Variants in DPP6 observed in about 807,000 individuals in gnomAD.
DPP6 encodes the protein A-type potassium channel modulatory protein DPP6.
Under a neutral mutation model 122.6 loss-of-function variants are expected in DPP6, and 69 were observed. That is an observed-to-expected ratio of 0.56 (90% CI 0.46 to 0.69). DPP6 has a LOEUF of 0.69. Ranked by LOEUF, DPP6 falls within the 30% of genes least tolerant of loss-of-function variation. DPP6 has a pLI of 0.00. For missense variants in DPP6, 928 were observed against 1,116.9 expected (o/e 0.83, Z 2.41); for synonymous variants, 418 against 433.1 (o/e 0.97, Z 0.43).
the DPP6 span, among the ~76,000 whole-genome samples, chr7:153,748,137 C>A: frequency 2.0e-5 from 3 of 152,230 alleles, no homozygotes; most frequent in Non-Finnish European, 4.4e-5. Flanking sequence ...ATTGACAGAG[C>A]GCTCGCATCC....
At chr7:154,313,685 G>GTGTGTGTATGTA in intron 1 of DPP6, among the ~76,000 whole-genome samples, 1 of 20,474 alleles carries the variant, frequency 4.9e-5, no homozygotes, top group East Asian at 3.3e-3. Context: ...TTAAGATATG[G>GTGTGTGTATGTA]TATATATATA....
chr7:153,824,058 G>A, the DPP6 span, among the ~76,000 whole-genome samples: 1 of 152,142 alleles, frequency 6.6e-6, no homozygotes, highest in Admixed American at 6.5e-5. Context: ...TCTCTGGGTG[G>A]TCCTCCCTTT....
At chr7:154,478,267 A>T (rs1822928569) in intron 3 of DPP6, among the ~76,000 whole-genome samples, 1 of 152,092 alleles carries the variant, frequency 6.6e-6, no homozygotes, top group Admixed American at 6.5e-5. Context: ...TAGAACATTA[A>T]TTCATTCAGT....
upstream of DPP6, among the ~76,000 whole-genome samples, chr7:153,883,428 G>A (rs2128989736): frequency 6.6e-6 from 1 of 151,976 alleles, no homozygotes; most frequent in East Asian, 1.9e-4. Context: ...TGTTGCCCAG[G>A]CCGGAGTGCA....
chr7:154,546,160 G>A (rs1298988628), intron 4 of DPP6, among the ~76,000 whole-genome samples: 1 of 150,554 alleles, frequency 6.6e-6, no homozygotes, highest in Non-Finnish European at 1.5e-5. Context: ...GCTATGAAGG[G>A]TATGTAGCGA....
intron 1 of DPP6, among the ~76,000 whole-genome samples, chr7:154,382,056 AC>A (rs1586114193): frequency 8.6e-6 from 1 of 116,414 alleles, no homozygotes; most frequent in South Asian, 3.1e-4. Context: ...TCTTTCAGAA[AC>A]CCCCCTTTTT....
At chr7:154,853,911 T>TG in intron 17 of DPP6, 84 bp downstream of exon 17, 11 of 1,567,234 alleles carry the variant, frequency 7.0e-6, no homozygotes, top group Non-Finnish European at 9.6e-6. Context: ...CTGGCCCACA[T>TG]TCTCCTACTC....
At chr7:154,196,728 T>C (rs964494898) in intron 1 of DPP6, among the ~76,000 whole-genome samples, 4 of 152,116 alleles carry the variant, frequency 2.6e-5, no homozygotes, top group African/African-American at 9.7e-5. Flanking sequence ...GATGTCATCA[T>C]CCCTCAGCCC....
At chr7:154,705,078 A>T (rs1478396131) in intron 7 of DPP6, among the ~76,000 whole-genome samples, 1 of 152,210 alleles carries the variant, frequency 6.6e-6, no homozygotes, top group Non-Finnish European at 1.5e-5. Flanking sequence ...CAGGGCAAAG[A>T]CCATCATTAT....
At chr7:154,046,551 C>T (rs1033421344) in intron 1 of DPP6, among the ~76,000 whole-genome samples, 3 of 152,252 alleles carry the variant, frequency 2.0e-5, no homozygotes, top group South Asian at 2.1e-4. Context: ...TCACATGCTC[C>T]GCTATATTAT....
At chr7:154,831,335 G>A (rs1374889246) in intron 16 of DPP6, among the ~76,000 whole-genome samples, 1 of 152,212 alleles carries the variant, frequency 6.6e-6, no homozygotes. Flanking sequence ...TGCTGTGGTA[G>A]AGACCCTCCC....
the DPP6 span, among the ~76,000 whole-genome samples, chr7:153,765,815 C>T: frequency 1.3e-5 from 2 of 152,290 alleles, no homozygotes; most frequent in Admixed American, 6.5e-5. Context: ...TGCTTGTGTA[C>T]TCATGCTTAT....
intron 5 of DPP6, among the ~76,000 whole-genome samples, chr7:154,621,156 C>T (rs185681475): frequency 6.6e-6 from 1 of 152,176 alleles, no homozygotes; most frequent in East Asian, 1.9e-4. Flanking sequence ...CTGTTTCCTC[C>T]CTATCTGAGA....
At chr7:154,225,841 A>G (rs1188019583) in intron 1 of DPP6, among the ~76,000 whole-genome samples, 1 of 152,182 alleles carries the variant, frequency 6.6e-6, no homozygotes, top group African/African-American at 2.4e-5. Context: ...ATCTACCAAT[A>G]CACTAGTGCC....
chr7:153,759,378 GC>G, the DPP6 span, among the ~76,000 whole-genome samples: 1 of 151,796 alleles, frequency 6.6e-6, no homozygotes, highest in African/African-American at 2.4e-5. Flanking sequence ...GAGTGCAGTG[GC>G]CCAATCTCGG....
intron 4 of DPP6, among the ~76,000 whole-genome samples, chr7:154,543,900 A>G (rs985514419): frequency 1.3e-5 from 2 of 151,358 alleles, no homozygotes; most frequent in Non-Finnish European, 2.9e-5. Context: ...AAGCCGAGGC[A>G]AGAGAAACGC....
chr7:153,936,157 C>T (rs535293618), intron 1 of DPP6, among the ~76,000 whole-genome samples: 36 of 152,146 alleles, frequency 2.4e-4, no homozygotes, highest in Non-Finnish European at 3.5e-4. Context: ...CAGCAAAGTG[C>T]AATAGGATGC....
chr7:154,123,696 A>G, intron 1 of DPP6, among the ~76,000 whole-genome samples: 1 of 151,440 alleles, frequency 6.6e-6, no homozygotes, highest in East Asian at 2.0e-4. Flanking sequence ...CCTGGGACAA[A>G]TGTGCCGCTC....
chr7:154,825,698 C>T (rs1244678636), intron 16 of DPP6, among the ~76,000 whole-genome samples: 1 of 152,202 alleles, frequency 6.6e-6, no homozygotes, highest in Non-Finnish European at 1.5e-5. Context: ...GCCCCAACTG[C>T]CACACTGCTG....
Sources: gnomAD v4.1 joint callset for allele counts (sites outside exome capture counted in the v4.1 genomes callset) on GRCh38, gnomAD v4.1.1 for gene constraint, MANE v1.5 for transcripts, NCBI Gene and HGNC (gene_info 2026-07-23, HGNC 2026-07-21) for gene names.